Variants in TINAG observed in about 807,000 individuals in gnomAD.
TINAG encodes the protein tubulointerstitial nephritis antigen.
A neutral mutation model predicts 72.7 loss-of-function variants in TINAG; 83 were observed. The ratio of observed to expected loss-of-function variants is 1.14; its 90% CI spans 0.96 to 1.37. The LOEUF is 1.37. Among genes scored for constraint, TINAG ranks in the 40% most tolerant of loss-of-function variants. TINAG has a pLI of 0.00. For missense variants in TINAG, 685 were observed against 576.6 expected (o/e 1.19, Z -1.93); for synonymous variants, 234 against 189.9 (o/e 1.23, Z -1.91).
chr6:54,372,723 C>CAT (rs1763657318), intron 9 of TINAG, among the ~76,000 whole-genome samples: 1 of 122,628 alleles, frequency 8.2e-6, no homozygotes, highest in East Asian at 2.4e-4. Context: ...TATATAAATA[C>CAT]ATACATATAT....
At chr6:54,386,987 G>GTATC (rs144962508) in intron 10 of TINAG, among the ~76,000 whole-genome samples, 2 of 152,058 alleles carry the variant, frequency 1.3e-5, no homozygotes, top group Non-Finnish European at 1.5e-5. Flanking sequence ...TGAGAAAAAT[G>GTATC]TATCTATCTA....
At chr6:54,336,553 T>C (rs1413845074) in intron 4 of TINAG, among the ~76,000 whole-genome samples, 3 of 152,170 alleles carry the variant, frequency 2.0e-5, no homozygotes, top group Non-Finnish European at 4.4e-5. Flanking sequence ...ACCAAGAAGC[T>C]TCACTGTGTT....
At chr6:54,318,202 C>T (rs1386777328) in intron 1 of TINAG, among the ~76,000 whole-genome samples, 1 of 152,108 alleles carries the variant, frequency 6.6e-6, no homozygotes, top group Admixed American at 6.6e-5. Flanking sequence ...TGGTGTCTCC[C>T]AAATTCATGC....
intron 9 of TINAG, among the ~76,000 whole-genome samples, chr6:54,368,276 A>G (rs1763495571): frequency 1.4e-5 from 2 of 147,758 alleles, no homozygotes; most frequent in South Asian, 4.2e-4. Context: ...TATTATATAT[A>G]ACATATTATA....
rs1785038783 is a variant in TINAG at position 54,343,173 on chromosome 6, T to G, written c.625-53T>G. The stretch of plus-strand genomic sequence containing the variant: ...TTTATAAAAGGGCGTGACATTTTCC[T>G]ATTGAGACATATTTGAGAAAATCTC... On this transcript the variant is annotated intron_variant, in intron 4 of 10. Coordinates refer to ENST00000259782, the MANE Select transcript of TINAG (RefSeq NM_014464.4). 3.6e-6 allele frequency: 5 copies of G among 1,402,362 alleles called. No individual in the cohort carries two copies. In the Admixed American group the frequency reaches 1.3e-4, roughly 37 times the overall value. The allele number at this position is 1,402,362 out of a possible 1,614,324, so 86.9% of individuals were successfully genotyped here. A position where few individuals can be genotyped will look rare whatever the true frequency, so the allele number is the denominator to read the frequency against.
chr6:54,386,438 T>C lies in TINAG; in HGVS notation c.1297-3353T>C, dbSNP rs1402278406. ...CTTACAGCCCTCTTCCAAGCTCACGTGGTTGTTGGTAGACGTGTTTTTTTG... is the reference window on the plus strand; with the variant it reads ...CTTACAGCCCTCTTCCAAGCTCACGCGGTTGTTGGTAGACGTGTTTTTTTG... On this transcript the variant is annotated intron_variant, in intron 10 of 10. Coordinates refer to ENST00000259782, the MANE Select transcript of TINAG (RefSeq NM_014464.4). Among the ~76,000 whole-genome samples, 5 of 152,100 alleles carry C rather than the reference T, an allele frequency of 3.3e-5. No homozygotes were observed. The East Asian group carries it at 5.8e-4, about 18-fold the overall frequency.
intron 10 of TINAG, among the ~76,000 whole-genome samples, chr6:54,386,189 C>A (rs565911825): frequency 5.2e-4 from 79 of 152,236 alleles, no homozygotes; most frequent in Admixed American, 8.5e-4. Flanking sequence ...GTGAACCCGG[C>A]TTGAATATCT....
intron 9 of TINAG, among the ~76,000 whole-genome samples, chr6:54,374,671 C>T (rs553898078): frequency 1.8e-4 from 28 of 152,076 alleles, no homozygotes; most frequent in African/African-American, 5.8e-4. Flanking sequence ...GTAGTCTTAC[C>T]TCTGAAAGCA....
At position 54,389,668 on chromosome 6, in the gene TINAG, C is replaced by A. The variant is rs979877951; in HGVS notation, c.1297-123C>A. 3.4e-5 allele frequency: 41 copies of A among 1,218,866 alleles called. No homozygotes were observed. The African/African-American group carries it at 5.6e-4, about 17-fold the overall frequency. The allele number at this position is 1,218,866 out of a possible 1,614,324, so 75.5% of individuals were successfully genotyped here. A position where few individuals can be genotyped will look rare whatever the true frequency, so the allele number is the denominator to read the frequency against. ...ACCATTATTTAAAAATAGGTAAGTT[C>A]TTGATAATTATAGTCTATGATAAAT... On this transcript the variant is annotated intron_variant, in intron 10 of 10. Coordinates refer to ENST00000259782, the MANE Select transcript of TINAG (RefSeq NM_014464.4).
intron 4 of TINAG, among the ~76,000 whole-genome samples, chr6:54,336,597 A>G (rs1784870328): frequency 6.6e-6 from 1 of 152,184 alleles, no homozygotes; most frequent in African/African-American, 2.4e-5. Flanking sequence ...TTTTGAAAAA[A>G]TACTATTTTC....
intron 8 of TINAG, among the ~76,000 whole-genome samples, chr6:54,353,253 G>A (rs1785307382): frequency 6.6e-6 from 1 of 151,714 alleles, no homozygotes; most frequent in African/African-American, 2.4e-5. Flanking sequence ...TGAATCATAA[G>A]ACCTCAAAGA....
At chr6:54,322,125 T>C (rs1784504527) in intron 3 of TINAG, among the ~76,000 whole-genome samples, 2 of 151,992 alleles carry the variant, frequency 1.3e-5, no homozygotes. Context: ...GGACAACTAG[T>C]GAGACCCCAT....
chr6:54,358,442 T>C (rs1220011603), intron 9 of TINAG, among the ~76,000 whole-genome samples: 2 of 151,812 alleles, frequency 1.3e-5, no homozygotes, highest in African/African-American at 4.8e-5. Flanking sequence ...ACTTAATGTT[T>C]TCTCTTTTCA....
chr6:54,370,423 A>G (rs1370366836), intron 9 of TINAG, among the ~76,000 whole-genome samples: 1 of 151,978 alleles, frequency 6.6e-6, no homozygotes, highest in Admixed American at 6.6e-5. Flanking sequence ...AAATGCAACC[A>G]ATATAAATTA....
Position 54,384,416 on chromosome 6 carries a change from C to T in TINAG, c.1296+3845C>T, listed in dbSNP as rs186023661. ...AAGAAAATCACACTCAAACTTTTCA[C>T]GATCAAACAGCTGAAGATAAAAAAT... On this transcript the variant is annotated intron_variant, in intron 10 of 10. Coordinates refer to ENST00000259782, the MANE Select transcript of TINAG (RefSeq NM_014464.4). Among the ~76,000 whole-genome samples the T allele has an allele frequency of 1.6e-4, 25 of 152,032 alleles. No individual in the cohort carries two copies. In the East Asian group the frequency reaches 1.7e-3, roughly 11 times the overall value.
At chr6:54,381,737 A>G (rs995918895) in intron 10 of TINAG, among the ~76,000 whole-genome samples, 3 of 152,168 alleles carry the variant, frequency 2.0e-5, no homozygotes, top group Non-Finnish European at 2.9e-5. Flanking sequence ...ATGTTATTTG[A>G]ATACCTACTA....
chr6:54,315,057 G>A (rs3777655), intron 1 of TINAG, among the ~76,000 whole-genome samples: 66,471 of 151,862 alleles, frequency 0.44, 16,111 homozygotes, highest in Middle Eastern at 0.58. Flanking sequence ...TGCAAAATTA[G>A]TTAAGATAAA....
At chr6:54,338,140 A>T (rs1784910852) in intron 4 of TINAG, among the ~76,000 whole-genome samples, 1 of 152,158 alleles carries the variant, frequency 6.6e-6, no homozygotes. Context: ...TTATCTCTCA[A>T]ATCAATTTTC....
At chr6:54,347,164 T>A (rs1348907874) in intron 5 of TINAG, among the ~76,000 whole-genome samples, 1 of 151,988 alleles carries the variant, frequency 6.6e-6, no homozygotes, top group Admixed American at 6.6e-5. Flanking sequence ...TTGAGTAATA[T>A]CAAAATAGGA....
Sources: allele counts gnomAD v4.1 joint callset (sites outside exome capture counted in the v4.1 genomes callset), GRCh38; gene constraint gnomAD v4.1.1; transcripts MANE v1.5; gene names NCBI Gene and HGNC (gene_info 2026-07-23, HGNC 2026-07-21).